Variants in LRP1B observed in about 807,000 individuals in gnomAD.
The protein encoded by LRP1B is low-density lipoprotein receptor-related protein 1B.
In LRP1B, 217 loss-of-function variants were observed where a neutral mutation model predicts 556.6. The ratio of observed to expected loss-of-function variants is 0.39; its 90% CI spans 0.35 to 0.44. The LOEUF (loss-of-function observed/expected upper bound fraction) is 0.44. Among genes scored for constraint, LRP1B ranks in the 20% least tolerant of loss-of-function variants. The probability of loss-of-function intolerance (pLI) is 1.00; values close to 1 mark genes in which losing one functional copy is unlikely to be tolerated. For synonymous variants in LRP1B, 2,047 were observed against 1,865.8 expected, an observed-to-expected ratio of 1.10 and a Z score of -2.50; for missense variants, 5,053 against 5,620.8, an observed-to-expected ratio of 0.90 and a Z score of 3.23.
chr2:141,097,258 T>C (rs1266968152), intron 7 of LRP1B, among the ~76,000 whole-genome samples: 1 of 152,204 alleles, frequency 6.6e-6, no homozygotes, highest in Non-Finnish European at 1.5e-5. Flanking sequence ...GAAGACTATG[T>C]TCTTTCATGA....
At chr2:140,321,908 G>A (rs1158849645) in intron 82 of LRP1B, 55 bp downstream of exon 82, 1 of 1,542,960 alleles carries the variant, frequency 6.5e-7, no homozygotes, top group East Asian at 2.3e-5. Flanking sequence ...CACGAGGTGT[G>A]AAATTTTATG....
chr2:140,440,743 A>ATGTGTGTGTGTGTGTGTG (rs375585057), intron 66 of LRP1B, among the ~76,000 whole-genome samples: 14,892 of 150,454 alleles, frequency 0.099, 897 homozygotes, highest in Non-Finnish European at 0.13. Context: ...CTCTGTATGT[A>ATGTGTGTGTGTGTGTGTG]TGTGTGTGTG....
rs140644441 is a variant in LRP1B, at chr2:140,483,376, T to C, written c.9425+1967A>G. The stretch of plus-strand genomic sequence containing the variant: ...GAGAAATAAAACCTAAAGCTATTAA[T>C]AGATTCAGCTGCATTCACTAGAATA... On this transcript the variant is annotated intron_variant, in intron 59 of 90. Transcript: ENST00000389484. Among the ~76,000 whole-genome samples the C allele has an allele frequency of 2.0e-5, 3 of 151,776 alleles. No homozygotes were observed. The East Asian group carries it at 5.8e-4, about 29-fold the overall frequency.
chr2:141,799,138 G>C (rs77852614), intron 2 of LRP1B, among the ~76,000 whole-genome samples: 6 of 152,170 alleles, frequency 3.9e-5, no homozygotes, highest in Admixed American at 3.9e-4. Flanking sequence ...GGCAGCCCGC[G>C]CAGACGAATA....
intron 32 of LRP1B, among the ~76,000 whole-genome samples, chr2:140,812,068 A>T (rs1249275116): frequency 6.6e-6 from 1 of 152,170 alleles, no homozygotes; most frequent in Non-Finnish European, 1.5e-5. Context: ...AAGGTATAGC[A>T]GAAGGACAGT....
chr2:141,155,612 T>G (rs1412004643), intron 7 of LRP1B, among the ~76,000 whole-genome samples: 1 of 152,016 alleles, frequency 6.6e-6, no homozygotes, highest in Admixed American at 6.6e-5. Flanking sequence ...TACTTTTGAT[T>G]TTTTATACAT....
chr2:141,199,749 TA>T (rs530360842), intron 6 of LRP1B, among the ~76,000 whole-genome samples: 1 of 151,390 alleles, frequency 6.6e-6, no homozygotes, highest in Non-Finnish European at 1.5e-5. Flanking sequence ...CCAACCCCAT[TA>T]AAAAGTGGGC....
At chr2:140,593,786 C>CA (rs1451756335) in intron 43 of LRP1B, among the ~76,000 whole-genome samples, 2 of 151,712 alleles carry the variant, frequency 1.3e-5, no homozygotes, top group East Asian at 1.9e-4. Flanking sequence ...TTAAAAAAAT[C>CA]AAAAAATAAA....
intron 15 of LRP1B, among the ~76,000 whole-genome samples, chr2:141,002,805 C>A (rs1417492683): frequency 6.6e-6 from 1 of 152,000 alleles, no homozygotes; most frequent in South Asian, 2.1e-4. Flanking sequence ...AGTAGTGAAA[C>A]AGTGATCTAG....
intron 20 of LRP1B, among the ~76,000 whole-genome samples, chr2:140,936,043 GA>G (rs370306402): frequency 0.093 from 13,460 of 144,560 alleles, 686 homozygotes; most frequent in Middle Eastern, 0.13. Flanking sequence ...AGTGTCAAAA[GA>G]AAAAAAAAAA....
chr2:141,835,579 A>G (rs1331031252), intron 1 of LRP1B, among the ~76,000 whole-genome samples: 1 of 151,828 alleles, frequency 6.6e-6, no homozygotes, highest in Non-Finnish European at 1.5e-5. Context: ...AATAGAAGAG[A>G]GGTTGAATAA....
At chr2:141,940,367 A>G (rs892268740) in intron 1 of LRP1B, among the ~76,000 whole-genome samples, 2 of 152,192 alleles carry the variant, frequency 1.3e-5, no homozygotes, top group Non-Finnish European at 2.9e-5. Context: ...CTAATGAATA[A>G]GTGTGCTTAA....
At chr2:140,494,837 C>T (rs556503071) in intron 56 of LRP1B, among the ~76,000 whole-genome samples, 31 of 150,692 alleles carry the variant, frequency 2.1e-4, no homozygotes, top group African/African-American at 4.6e-4. Flanking sequence ...TTGCCACTGA[C>T]GAACATCTAT....
chr2:140,305,789 T>C (rs1684039732), intron 83 of LRP1B, among the ~76,000 whole-genome samples: 1 of 152,094 alleles, frequency 6.6e-6, no homozygotes, highest in Non-Finnish European at 1.5e-5. Context: ...GGCTGTGGGT[T>C]TGTCATAAAT....
intron 2 of LRP1B, among the ~76,000 whole-genome samples, chr2:141,766,598 CTT>C (rs1046607363): frequency 2.0e-5 from 3 of 152,142 alleles, no homozygotes; most frequent in Non-Finnish European, 4.4e-5. Flanking sequence ...AGCAGAGACA[CTT>C]CTCTCCAACA....
At chr2:140,319,414 ATGGGTGAGGGAT>A (rs1385469738) in intron 82 of LRP1B, among the ~76,000 whole-genome samples, 9 of 152,122 alleles carry the variant, frequency 5.9e-5, no homozygotes, top group African/African-American at 1.9e-4. Context: ...TGTGAGGGCA[ATGGGTGAGGGAT>A]TATGTGGAAC....
At chr2:141,660,017 T>C (rs1690152994) in intron 2 of LRP1B, among the ~76,000 whole-genome samples, 1 of 151,696 alleles carries the variant, frequency 6.6e-6, no homozygotes, top group Non-Finnish European at 1.5e-5. Flanking sequence ...ATTAAGAATG[T>C]TTCCCTGGCA....
At chr2:141,200,151 A>G (rs1242228828) in intron 6 of LRP1B, among the ~76,000 whole-genome samples, 4 of 152,244 alleles carry the variant, frequency 2.6e-5, no homozygotes, top group Admixed American at 6.5e-5. Context: ...ACTATTCACA[A>G]TAGCAAAGAC....
intron 27 of LRP1B, among the ~76,000 whole-genome samples, chr2:140,860,098 G>A (rs1392455282): frequency 6.6e-6 from 1 of 152,188 alleles, no homozygotes; most frequent in Non-Finnish European, 1.5e-5. Flanking sequence ...GATCACACAA[G>A]TATTAAAAGG....
Sources: allele counts gnomAD v4.1 joint callset (sites outside exome capture counted in the v4.1 genomes callset), GRCh38; gene constraint gnomAD v4.1.1; transcripts MANE v1.5; gene names NCBI Gene and HGNC (gene_info 2026-07-23, HGNC 2026-07-21).